Variants in RXFP1 observed in about 807,000 individuals in gnomAD.
RXFP1 encodes the protein relaxin family peptide receptor 1, also known as relaxin receptor 1.
In RXFP1, 73 loss-of-function variants were observed where a neutral mutation model predicts 89.8. The observed-to-expected ratio is 0.81, with a 90% CI of 0.67 to 0.99. The LOEUF is 0.99. Among genes scored for constraint, RXFP1 ranks in the 50% least tolerant of loss-of-function variants. The pLI is 0.00. For synonymous variants in RXFP1, 277 were observed against 305.5 expected, an observed-to-expected ratio of 0.91 and a Z score of 0.97; for missense variants, 793 against 895.5, an observed-to-expected ratio of 0.89 and a Z score of 1.46.
At chr4:158,617,286 T>G in intron 9 of RXFP1, 81 bp downstream of exon 9, 1 of 1,051,036 alleles carries the variant, frequency 9.5e-7, no homozygotes, top group Non-Finnish European at 1.4e-6. Flanking sequence ...AAGATTGTTT[T>G]AGTTTTTCTT....
At chr4:158,577,915 T>G (rs759176504) in intron 2 of RXFP1, among the ~76,000 whole-genome samples, 48 of 152,268 alleles carry the variant, frequency 3.2e-4, no homozygotes, top group Non-Finnish European at 4.3e-4. Context: ...TTCCCTGTAA[T>G]TAAACACTTT....
intron 3 of RXFP1, among the ~76,000 whole-genome samples, chr4:158,594,986 G>A (rs1269024587): frequency 6.6e-6 from 1 of 152,024 alleles, no homozygotes; most frequent in Non-Finnish European, 1.5e-5. Flanking sequence ...TTCTAAGGTT[G>A]CATTATCCTA....
chr4:158,604,418 T>C (rs1273241946), intron 4 of RXFP1, among the ~76,000 whole-genome samples: 1 of 152,216 alleles, frequency 6.6e-6, no homozygotes, highest in Non-Finnish European at 1.5e-5. Context: ...TCATTTATTT[T>C]GCTTTTACTA....
At chr4:158,593,340 C>G in intron 2 of RXFP1, 61 bp from the exon 3 acceptor site, 1 of 1,015,320 alleles carries the variant, frequency 9.8e-7, no homozygotes, top group South Asian at 1.4e-5. Context: ...ACCTGTCTCC[C>G]CACAATATAC....
chr4:158,581,590 T>C (rs999621024), intron 2 of RXFP1, among the ~76,000 whole-genome samples: 1 of 152,206 alleles, frequency 6.6e-6, no homozygotes, highest in Non-Finnish European at 1.5e-5. Context: ...ATTGCAAGTA[T>C]AATAGTATGA....
chr4:158,605,024 A>G, intron 4 of RXFP1, 44 bp from the exon 5 acceptor site: 1 of 1,127,472 alleles, frequency 8.9e-7, no homozygotes. Context: ...ATTTAAAAGT[A>G]AAGGAAAAAC....
rs1442449141 is a variant in RXFP1 at position 158,629,568 on chromosome 4, G to C, written c.899+859G>C. 2.6e-5 allele frequency among the ~76,000 whole-genome samples: 4 copies of C among 152,070 alleles called. 1 individual carries two copies. Among genetic ancestry groups the C allele is most frequent in the Non-Finnish European group, 5.9e-5 (4 of 67,996 alleles). ...AAATAGATGTAGAACAATGGATGAA[G>C]TGCTTATCCTTCAGACCATTTTTTT... On this transcript the variant is annotated intron_variant, in intron 11 of 17. Transcript: ENST00000307765.
intron 9 of RXFP1, among the ~76,000 whole-genome samples, chr4:158,625,059 G>GC (rs753376109): frequency 7.1e-6 from 1 of 140,998 alleles, no homozygotes; most frequent in African/African-American, 3.0e-5. Context: ...CTCATTAAGC[G>GC]CATTTTGTGA....
chr4:158,527,879 T>G lies in RXFP1; in HGVS notation c.49+5854T>G, dbSNP rs543035737. On this transcript the variant is annotated intron_variant, in intron 1 of 17. Transcript: ENST00000307765. ...CCTTTAGTTTTCAGCTGTCTTATTCTTAACTCACTTTTAAAAGTGGGTCTC... is the reference window on the plus strand; with the variant it reads ...CCTTTAGTTTTCAGCTGTCTTATTCGTAACTCACTTTTAAAAGTGGGTCTC... 3.9e-5 allele frequency among the ~76,000 whole-genome samples: 6 copies of G among 152,246 alleles called. No individual in the cohort carries two copies. In the South Asian group the frequency reaches 1.2e-3, roughly 32 times the overall value.
intron 9 of RXFP1, among the ~76,000 whole-genome samples, chr4:158,625,990 C>T (rs7435788): frequency 0.05 from 7,549 of 151,992 alleles, 596 homozygotes; most frequent in African/African-American, 0.17. Context: ...AAGATAACCA[C>T]GAAGAGACAG....
At chr4:158,606,311 A>G (rs1457146444) in intron 5 of RXFP1, among the ~76,000 whole-genome samples, 4 of 152,226 alleles carry the variant, frequency 2.6e-5, no homozygotes, top group Non-Finnish European at 5.9e-5. Context: ...CATTGAATTA[A>G]TTCTCTTTTT....
intron 1 of RXFP1, among the ~76,000 whole-genome samples, chr4:158,565,119 G>C (rs1425121410): frequency 6.6e-6 from 1 of 152,198 alleles, no homozygotes; most frequent in Non-Finnish European, 1.5e-5. Context: ...ATGTAAGTGA[G>C]AGTCTGCACT....
At chr4:158,589,234 C>G (rs1306300352) in intron 2 of RXFP1, among the ~76,000 whole-genome samples, 1 of 152,158 alleles carries the variant, frequency 6.6e-6, no homozygotes, top group African/African-American at 2.4e-5. Flanking sequence ...CACCTGGTCC[C>G]ACCCTTAACA....
At chr4:158,650,502 C>G (rs925214483) in intron 17 of RXFP1, among the ~76,000 whole-genome samples, 7 of 151,300 alleles carry the variant, frequency 4.6e-5, no homozygotes, top group African/African-American at 1.5e-4. Flanking sequence ...GGCGCAGTGG[C>G]TCACACCTGA....
chr4:158,618,701 G>A (rs1409072023), intron 9 of RXFP1, among the ~76,000 whole-genome samples: 1 of 149,544 alleles, frequency 6.7e-6, no homozygotes, highest in Non-Finnish European at 1.5e-5. Context: ...TTTTAACTCT[G>A]ATTTAGGGGA....
At chr4:158,579,098 G>A (rs927611101) in intron 2 of RXFP1, among the ~76,000 whole-genome samples, 1 of 150,762 alleles carries the variant, frequency 6.6e-6, no homozygotes, top group African/African-American at 2.4e-5. Context: ...TGAAGACAGA[G>A]GCAGAGACTG....
intron 8 of RXFP1, among the ~76,000 whole-genome samples, chr4:158,616,746 C>T (rs574151425): frequency 6.6e-6 from 1 of 150,936 alleles, no homozygotes; most frequent in Non-Finnish European, 1.5e-5. Flanking sequence ...CGCCTGCAAT[C>T]CCAGCACTTT....
chr4:158,611,531 T>C (rs2150130188), intron 6 of RXFP1, among the ~76,000 whole-genome samples: 1 of 152,328 alleles, frequency 6.6e-6, no homozygotes, highest in South Asian at 2.1e-4. Context: ...GGTGATTTCT[T>C]AACTTGTCAG....
intron 2 of RXFP1, among the ~76,000 whole-genome samples, chr4:158,580,117 C>T (rs1757050331): frequency 6.6e-6 from 1 of 152,116 alleles, no homozygotes. Context: ...CAAGGCAGTG[C>T]AGGGTGAGCA....
Sources: gnomAD v4.1 joint callset for allele counts (sites outside exome capture counted in the v4.1 genomes callset) on GRCh38, gnomAD v4.1.1 for gene constraint, MANE v1.5 for transcripts, NCBI Gene and HGNC (gene_info 2026-07-23, HGNC 2026-07-21) for gene names.